TTN: variants seen among roughly 807,000 people sequenced by gnomAD.
The protein encoded by TTN is titin.
A neutral mutation model predicts 3,223.0 loss-of-function variants in TTN; 1,525 were observed. The observed-to-expected ratio is 0.47, with a 90% CI of 0.45 to 0.49. The LOEUF (loss-of-function observed/expected upper bound fraction) is 0.49. Ranked by LOEUF, TTN falls within the 20% of genes least tolerant of loss-of-function variation. TTN has a pLI of 0.00. For synonymous variants in TTN, 14,094 were observed against 15,161.0 expected (o/e 0.93, Z 5.17); for missense variants, 40,786 against 43,424.0 (o/e 0.94, Z 5.40).
rs727504693 is a variant in TTN, at chr2:178,561,480, C to T, written c.84652G>A (p.Gly28218Ser). 173 of 1,613,616 alleles carry T rather than the reference C, an allele frequency of 1.1e-4. No homozygotes were observed. The highest frequency in any genetic ancestry group is 1.3e-4 in the Non-Finnish European group (157 of 1,179,760). The change falls in exon 326 of 363, where the codon GGC becomes AGC. Residue 28218 changes from glycine to serine, a missense_variant. Transcript: ENST00000589042. ...LIADTQMKVS[G>S]LDEGLMYEYR... is the part of the protein sequence containing the mutation. ...TCATACATCAGTCCTTCATCAAGGC[C>T]GGAGACTTTCATTTGAGTATCAGCA...
At chr2:178,664,291 T>C (rs2065456719) in intron 168 of TTN, among the ~76,000 whole-genome samples, 169 bp downstream of exon 168, 1 of 152,106 alleles carries the variant, frequency 6.6e-6, no homozygotes, top group Non-Finnish European at 1.5e-5. Flanking sequence ...GCCATTTCTT[T>C]GGGAGCTTCA....
intron 213 of TTN, 115 bp downstream of exon 213, chr2:178,649,133 T>G: frequency 1.2e-6 from 1 of 807,094 alleles, no homozygotes; most frequent in Non-Finnish European, 1.8e-6. Context: ...TTCCCTTTTT[T>G]CTGTGCAATA....
Position 178,548,811 on chromosome 2 carries a change from C to T in TTN, c.92815G>A (p.Ala30939Thr). 6.2e-7 allele frequency: 1 copy of T among 1,612,740 alleles called. No individual in the cohort carries two copies. The highest frequency in any genetic ancestry group is 8.5e-7 in the Non-Finnish European group (1 of 1,179,800). The stretch of plus-strand genomic sequence containing the variant: ...ATGAAGAGGCGAATACTGGCCCCAG[C>T]TCTAACAACATGAGTCTGTTTGAAG... ...ANFKQTHVVRAGASIRLFIAY... is the reference protein window; with the variant it reads ...ANFKQTHVVRTGASIRLFIAY... The change falls in exon 339 of 363, where the codon GCT becomes ACT. Residue 30939 changes from alanine (A) to threonine (T), a missense_variant. By Grantham distance (58) the Ala-to-Thr change is moderately conservative. Transcript: ENST00000589042. This position sits in a 1 kb window ranked among gnomAD's most constrained non-coding sequence, Gnocchi z 4.3.
rs773998423 is a variant in TTN, at chr2:178,549,245, T to C, written c.92381A>G (p.His30794Arg). ...TCCTGCAGCATTTTCAGCCATGACA[T>C]GGAATTCATACTCATTGCCTTCTGT... is the stretch of plus-strand genomic sequence containing the variant. ...GLTEGNEYEF[H>R]VMAENAAGVG... Residue 30794 changes from histidine (H) to arginine (R), a missense_variant, in exon 339 of 363, where the codon CAT (histidine) becomes CGT (arginine). Physicochemically the swap from His to Arg is conservative, Grantham distance 29. Coordinates refer to ENST00000589042, the MANE Select transcript of TTN (RefSeq NM_001267550.2). 7.4e-6 allele frequency: 12 copies of C among 1,613,824 alleles called. No homozygotes were observed. The highest frequency in any genetic ancestry group is 3.3e-5 in the Admixed American group (2 of 59,980).
In TTN at chr2:178,568,763, A is replaced by G; in HGVS notation, c.77369T>C (p.Val25790Ala). 1 of 1,612,852 alleles carries G rather than the reference A, an allele frequency of 6.2e-7. No individual in the cohort carries two copies. Among genetic ancestry groups the G allele is most frequent in the Non-Finnish European group, 8.5e-7 (1 of 1,179,246 alleles). Residue 25790 changes from valine to alanine, a missense_variant, in exon 326 of 363, where the codon GTT (valine) becomes GCT (alanine). Physicochemically the swap from Val to Ala is moderately conservative, Grantham distance 64. Transcript: ENST00000589042. ...SDPRSLAVPIVAKDLVIEPDV... is the reference protein window; with the variant it reads ...SDPRSLAVPIAAKDLVIEPDV... ...TGGCTCAATTACCAGATCTTTGGCA[A>G]CTATTGGAACTGCAAGGGACCGAGG...
In TTN at chr2:178,733,882, G is replaced by A. The variant is rs886042124; in HGVS notation, c.15507C>T (p.Thr5169=). ...MATHLLKEPP[T]FVKKVDDLIA... is the part of the protein sequence containing the mutation. ...TCAAATCATCTACTTTCTTTACAAA[G>A]GTTGGAGGTTCTAGTTAAGGAAAGA... The change falls in exon 53 of 363, where the codon ACC becomes ACT. Residue 5169 remains threonine (T), a synonymous_variant. Coordinates refer to ENST00000589042, the MANE Select transcript of TTN (RefSeq NM_001267550.2). 1 of 1,591,222 alleles carries A rather than the reference G, an allele frequency of 6.3e-7. No individual in the cohort carries two copies. The highest frequency in any genetic ancestry group is 1.7e-4 in the Middle Eastern group (1 of 5,956).
intron 256 of TTN, 25 bp downstream of exon 256, chr2:178,616,704 A>G (rs1365817077): frequency 1.2e-6 from 2 of 1,611,992 alleles, no homozygotes; most frequent in African/African-American, 2.7e-5. Context: ...AAATCACCTT[A>G]GATGATAAAT....
intron 169 of TTN, 39 bp from the exon 170 acceptor site, chr2:178,663,941 A>G: frequency 6.2e-7 from 1 of 1,612,678 alleles, no homozygotes; most frequent in South Asian, 1.1e-5. Flanking sequence ...AGGTGTTATG[A>G]AGACCGCTAG....
chr2:178,704,076 G>C (rs1024730337), intron 106 of TTN, 71 bp downstream of exon 106: 3 of 1,553,982 alleles, frequency 1.9e-6, no homozygotes, highest in African/African-American at 2.7e-5. Context: ...AGGTAGGGTT[G>C]CAGGGGTCCT....
intron 47 of TTN, among the ~76,000 whole-genome samples, chr2:178,752,407 TTTCTGA>T (rs1247681015): frequency 6.6e-6 from 1 of 152,044 alleles, no homozygotes; most frequent in Non-Finnish European, 1.5e-5. Context: ...ATAAACGCCC[TTTCTGA>T]TTCTTTTGAT....
Position 178,573,407 on chromosome 2 carries a change from C to G in TTN, c.72725G>C (p.Cys24242Ser). The stretch of plus-strand genomic sequence containing the variant: ...ACCATCAGAATCAGGATGTCCCCAG[C>G]AGACAACCATCGAATCTTTAGTAAT... ...TTITKDSMVV[C>S]WGHPDSDGGS... is the part of the protein sequence containing the mutation. Residue 24242 changes from cysteine to serine, a missense_variant, in exon 326 of 363, where the codon TGC (cysteine) becomes TCC (serine). By Grantham distance (112) the Cys-to-Ser change is moderately radical. Transcript: ENST00000589042. 1 of 1,521,772 alleles carries G rather than the reference C, an allele frequency of 6.6e-7. No individual in the cohort carries two copies. The highest frequency in any genetic ancestry group is 8.8e-7 in the Non-Finnish European group (1 of 1,137,376). 94.3% of individuals were successfully genotyped at this position (1,521,772 alleles called of 1,614,324 possible).
At chr2:178,752,974 G>A in intron 47 of TTN, 150 bp downstream of exon 47, 1 of 480,790 alleles carries the variant, frequency 2.1e-6, no homozygotes, top group African/African-American at 2.0e-5. Context: ...TCTAAACCAA[G>A]CATGCGACAT....
chr2:178,529,821 G>A (rs1688258714), intron 359 of TTN, 139 bp downstream of exon 359: 4 of 959,010 alleles, frequency 4.2e-6, no homozygotes, highest in African/African-American at 1.7e-5. Flanking sequence ...CTGCTTTGGT[G>A]TACAAATTGT....
At chr2:178,601,818 A>G (rs760313916) in intron 285 of TTN, 31 bp from the exon 286 acceptor site, 1 of 1,603,944 alleles carries the variant, frequency 6.2e-7, no homozygotes, top group Non-Finnish European at 8.5e-7. Context: ...TCATACATTG[A>G]ATGAAATCAT....
At chr2:178,593,523 A>G in intron 298 of TTN, 45 bp downstream of exon 298, 1 of 1,597,512 alleles carries the variant, frequency 6.3e-7, no homozygotes, top group Non-Finnish European at 8.5e-7. Context: ...TCTTTATATT[A>G]GTTTTATCAA....
rs1308781409 is a variant in TTN, at chr2:178,773,309, A to G, written c.7655T>C (p.Phe2552Ser). Residue 2552 changes from phenylalanine (F) to serine (S), a missense_variant, in exon 33 of 363, where the codon TTT (phenylalanine) becomes TCT (serine). Transcript: ENST00000589042. Reference protein sequence around the residue: ...LTCTETQNVVFEVELSHSGID... With the variant: ...LTCTETQNVVSEVELSHSGID... ...TCCAGAGTGGGACAGCTCAACCTCA[A>G]ACACCACATTTTGAGTTTCTGTACA... 1 of 1,613,996 alleles carries G rather than the reference A, an allele frequency of 6.2e-7. No homozygotes were observed. Among genetic ancestry groups the G allele is most frequent in the Admixed American group, 1.7e-5 (1 of 59,990 alleles).
chr2:178,551,906 C>T lies in TTN; in HGVS notation c.90994G>A (p.Val30332Ile). ...FRIPGPPGKP[V>I]IYNVTSDGMS... is the part of the protein sequence containing the mutation. ...CCATCAGAAGTCACATTGTATATAACTGGCTTTCCTGGGGGACCAGGAATC... is the reference window on the plus strand; with the variant it reads ...CCATCAGAAGTCACATTGTATATAATTGGCTTTCCTGGGGGACCAGGAATC... Residue 30332 changes from valine to isoleucine, a missense_variant, in exon 335 of 363, where the codon GTT (valine) becomes ATT (isoleucine). Physicochemically the swap from Val to Ile is conservative, Grantham distance 29. Coordinates refer to ENST00000589042, the MANE Select transcript of TTN (RefSeq NM_001267550.2). 1.2e-6 allele frequency: 2 copies of T among 1,613,814 alleles called. No homozygotes were observed. Among genetic ancestry groups the T allele is most frequent in the Non-Finnish European group, 1.7e-6 (2 of 1,179,748 alleles).
chr2:178,597,443 C>T, intron 294 of TTN, 95 bp downstream of exon 294: 20 of 1,384,890 alleles, frequency 1.4e-5, no homozygotes, highest in Middle Eastern at 4.7e-4. Context: ...TCTTATTTTC[C>T]AAAATGTTTG....
intron 9 of TTN, among the ~76,000 whole-genome samples, chr2:178,793,111 C>G (rs2093598261): frequency 6.6e-6 from 1 of 152,186 alleles, no homozygotes; most frequent in Non-Finnish European, 1.5e-5. Flanking sequence ...GCCATCTGTC[C>G]TCTCCCTATA....
Sources: allele counts gnomAD v4.1 joint callset (sites outside exome capture counted in the v4.1 genomes callset), GRCh38; gene constraint gnomAD v4.1.1; non-coding constraint Gnocchi (gnomAD v3.1); transcripts MANE v1.5; gene names NCBI Gene and HGNC (gene_info 2026-07-23, HGNC 2026-07-21).